The following ZNF804B variants were observed in gnomAD, a reference collection of about 807,000 sequenced individuals.
ZNF804B encodes zinc finger 804B.
Under a neutral mutation model 101.4 loss-of-function variants are expected in ZNF804B, and 80 were observed. The ratio of observed to expected loss-of-function variants is 0.79; its 90% CI spans 0.66 to 0.95. ZNF804B has a LOEUF of 0.95. Among genes scored for constraint, ZNF804B ranks in the 40% least tolerant of loss-of-function variants. The pLI is 0.00. For synonymous variants in ZNF804B, 622 were observed against 558.8 expected (o/e 1.11, Z -1.59); for missense variants, 1,673 against 1,561.9 (o/e 1.07, Z -1.20).
At chr7:89,212,548 G>A (rs1788821579) in intron 1 of ZNF804B, among the ~76,000 whole-genome samples, 1 of 152,058 alleles carries the variant, frequency 6.6e-6, no homozygotes, top group Non-Finnish European at 1.5e-5. Context: ...AAAGAAGTAC[G>A]CAGTGAAAGG....
rs1487886166 is a variant in ZNF804B, at chr7:88,877,007, A to AAAT, written c.108+116924_108+116925insATA. Reference sequence around the variant, plus strand: ...TATACAGAGAATATTTGAAAAAAAAAATATATATATATATATATAATATAT... The same window carrying AAAT: ...TATACAGAGAATATTTGAAAAAAAAAAATATATATATATATATATATAATATAT... On this transcript the variant is annotated intron_variant, in intron 1 of 3. Transcript: ENST00000333190. Among the ~76,000 whole-genome samples the AAAT allele has an allele frequency of 7.6e-4, 57 of 75,184 alleles. 2 individuals are homozygous for AAAT. The highest frequency in any genetic ancestry group is 5.2e-3 in the African/African-American group (55 of 10,674). The allele number at this position is 75,184 out of a possible 152,430, so 49.3% of individuals were successfully genotyped here.
At chr7:89,145,496 T>C (rs1487720908) in intron 1 of ZNF804B, among the ~76,000 whole-genome samples, 2 of 152,086 alleles carry the variant, frequency 1.3e-5, no homozygotes, top group African/African-American at 4.8e-5. Context: ...ATGTGTCCAG[T>C]ACTGTGCTAG....
Position 89,266,531 on chromosome 7 carries a change from C to T in ZNF804B, c.249+48236C>T, listed in dbSNP as rs183587499. On this transcript the variant is annotated intron_variant, in intron 2 of 3. Transcript: ENST00000333190. ...CTATAATATGATTTCCTGTAAGATACAGTTTTTCATATAAAAACCAAAGTG... is the reference window on the plus strand; with the variant it reads ...CTATAATATGATTTCCTGTAAGATATAGTTTTTCATATAAAAACCAAAGTG... Among the ~76,000 whole-genome samples, 24 of 152,160 alleles carry T rather than the reference C, an allele frequency of 1.6e-4. No individual in the cohort carries two copies. The East Asian group carries it at 4.2e-3, about 27-fold the overall frequency.
chr7:88,992,173 GTC>G (rs1400158519), intron 1 of ZNF804B, among the ~76,000 whole-genome samples: 1 of 152,074 alleles, frequency 6.6e-6, no homozygotes, highest in Non-Finnish European at 1.5e-5. Flanking sequence ...AAAATCTTCA[GTC>G]TCTCTCTCTT....
intron 1 of ZNF804B, among the ~76,000 whole-genome samples, chr7:89,123,218 G>C (rs1790430948): frequency 6.6e-6 from 1 of 151,614 alleles, no homozygotes; most frequent in Admixed American, 6.6e-5. Context: ...AGGGAAGAAG[G>C]GAGGGAATTT....
chr7:89,031,663 T>TG (rs1788837503), intron 1 of ZNF804B, among the ~76,000 whole-genome samples: 1 of 148,734 alleles, frequency 6.7e-6, no homozygotes, highest in Admixed American at 6.8e-5. Flanking sequence ...TGGTTTTTGT[T>TG]TTTTTTTTTT....
intron 1 of ZNF804B, among the ~76,000 whole-genome samples, chr7:89,141,866 A>G (rs909957369): frequency 9.8e-5 from 14 of 143,498 alleles, no homozygotes; most frequent in Non-Finnish European, 2.1e-4. Context: ...AAATAATAGA[A>G]TTGAAAGATA....
chr7:89,123,389 C>T (rs1790433378), intron 1 of ZNF804B, among the ~76,000 whole-genome samples: 1 of 152,080 alleles, frequency 6.6e-6, no homozygotes, highest in Non-Finnish European at 1.5e-5. Context: ...TGAAGATGCA[C>T]CTCCTCCAAT....
At chr7:88,989,580 T>A (rs924783863) in intron 1 of ZNF804B, among the ~76,000 whole-genome samples, 2 of 152,090 alleles carry the variant, frequency 1.3e-5, no homozygotes, top group Non-Finnish European at 2.9e-5. Flanking sequence ...GAATGATAAG[T>A]AATGCAACTC....
intron 3 of ZNF804B, among the ~76,000 whole-genome samples, chr7:89,328,126 C>T (rs1790925229): frequency 6.6e-6 from 1 of 151,908 alleles, no homozygotes; most frequent in Non-Finnish European, 1.5e-5. Flanking sequence ...ACTAATGTAG[C>T]TAATTAATGT....
chr7:89,198,756 G>C (rs1302887886), intron 1 of ZNF804B, among the ~76,000 whole-genome samples: 1 of 151,542 alleles, frequency 6.6e-6, no homozygotes, highest in Non-Finnish European at 1.5e-5. Context: ...ACAAAAACAA[G>C]TACAGAAAAA....
chr7:88,939,929 T>A (rs1011800735), intron 1 of ZNF804B, among the ~76,000 whole-genome samples: 2 of 151,992 alleles, frequency 1.3e-5, no homozygotes, highest in Non-Finnish European at 2.9e-5. Flanking sequence ...TTTAGATTGA[T>A]AAGTCTACAG....
intron 1 of ZNF804B, among the ~76,000 whole-genome samples, chr7:89,199,259 A>G (rs1788597233): frequency 6.6e-6 from 1 of 151,694 alleles, no homozygotes; most frequent in African/African-American, 2.4e-5. Context: ...TCCCTTTCCC[A>G]CTGGAGTCAG....
intron 1 of ZNF804B, among the ~76,000 whole-genome samples, chr7:89,209,139 T>C (rs1465092342): frequency 2.6e-5 from 4 of 152,232 alleles, no homozygotes; most frequent in Non-Finnish European, 4.4e-5. Flanking sequence ...TACAGAAATG[T>C]AGTCAACAGT....
At chr7:89,112,438 A>G (rs1365510289) in intron 1 of ZNF804B, among the ~76,000 whole-genome samples, 1 of 152,020 alleles carries the variant, frequency 6.6e-6, no homozygotes, top group Non-Finnish European at 1.5e-5. Flanking sequence ...TATTTATTTG[A>G]GTCTATTTCT....
intron 1 of ZNF804B, among the ~76,000 whole-genome samples, chr7:89,202,585 T>C (rs1788659274): frequency 6.6e-6 from 1 of 152,160 alleles, no homozygotes; most frequent in Non-Finnish European, 1.5e-5. Context: ...ATTCTACATC[T>C]ACATTTTAAA....
At chr7:88,896,166 A>G (rs1421842164) in intron 1 of ZNF804B, among the ~76,000 whole-genome samples, 1 of 152,220 alleles carries the variant, frequency 6.6e-6, no homozygotes, top group Non-Finnish European at 1.5e-5. Flanking sequence ...TCCAAAATCC[A>G]CTACCCTAGT....
intron 1 of ZNF804B, among the ~76,000 whole-genome samples, chr7:88,926,943 C>CGGT (rs1554346834): frequency 6.9e-6 from 1 of 144,352 alleles, no homozygotes; most frequent in African/African-American, 2.7e-5. Context: ...TGGTGGGGAG[C>CGGT]GGGGGGAAAG....
chr7:89,217,287 C>T (rs1419367756), intron 1 of ZNF804B, among the ~76,000 whole-genome samples: 1 of 152,150 alleles, frequency 6.6e-6, no homozygotes, highest in Non-Finnish European at 1.5e-5. Flanking sequence ...TATAGCAAAT[C>T]ACAGCTGTTT....
Sources: gnomAD v4.1 joint callset for allele counts (sites outside exome capture counted in the v4.1 genomes callset) on GRCh38, gnomAD v4.1.1 for gene constraint, MANE v1.5 for transcripts, NCBI Gene and HGNC (gene_info 2026-07-23, HGNC 2026-07-21) for gene names.